Variants in TMEM117 observed in about 807,000 individuals in gnomAD.
TMEM117 encodes the protein transmembrane protein 117.
Under a neutral mutation model 52.4 loss-of-function variants are expected in TMEM117, and 27 were observed. The ratio of observed to expected loss-of-function variants is 0.51; its 90% CI spans 0.38 to 0.71. The LOEUF (loss-of-function observed/expected upper bound fraction) is 0.71, where lower values mean the gene tolerates loss of function less well. TMEM117 is among the 30% of genes least tolerant of loss of function. The probability of loss-of-function intolerance (pLI) is 0.00; values close to 1 mark genes in which losing one functional copy is unlikely to be tolerated. For synonymous variants in TMEM117, 215 were observed against 206.3 expected (o/e 1.04, Z -0.36); for missense variants, 556 against 630.5 (o/e 0.88, Z 1.26).
At chr12:43,855,174 A>C (rs560658181) in intron 2 of TMEM117, among the ~76,000 whole-genome samples, 1 of 152,356 alleles carries the variant, frequency 6.6e-6, no homozygotes, top group East Asian at 1.9e-4. Flanking sequence ...TTTTGCGAAT[A>C]AATTAGTTAC....
At chr12:44,171,182 A>AT (rs1355326898) in intron 4 of TMEM117, among the ~76,000 whole-genome samples, 6 of 151,522 alleles carry the variant, frequency 4.0e-5, no homozygotes, top group African/African-American at 7.3e-5. Flanking sequence ...CGCCCGGCTA[A>AT]TTTTTTGTAT....
At chr12:44,122,280 G>A (rs1025385539) in intron 3 of TMEM117, among the ~76,000 whole-genome samples, 1 of 151,962 alleles carries the variant, frequency 6.6e-6, no homozygotes, top group Non-Finnish European at 1.5e-5. Flanking sequence ...TCCTGACCTC[G>A]TGATCTGCCT....
chr12:44,223,575 C>A (rs1949819302), intron 5 of TMEM117, among the ~76,000 whole-genome samples: 1 of 152,174 alleles, frequency 6.6e-6, no homozygotes, highest in Admixed American at 6.6e-5. Flanking sequence ...GGTTTCAAAA[C>A]AAAGGCTATT....
At chr12:44,024,998 C>A (rs996721814) in intron 3 of TMEM117, among the ~76,000 whole-genome samples, 3 of 151,972 alleles carry the variant, frequency 2.0e-5, no homozygotes, top group Non-Finnish European at 2.9e-5. Context: ...ATGTTACAAC[C>A]AAAAGGTGAC....
At chr12:43,916,545 T>G (rs1275255918) in intron 2 of TMEM117, among the ~76,000 whole-genome samples, 1 of 152,216 alleles carries the variant, frequency 6.6e-6, no homozygotes, top group African/African-American at 2.4e-5. Flanking sequence ...ACCACCATAT[T>G]TAGTTGAACA....
At chr12:43,911,381 AC>A (rs2060052773) in intron 2 of TMEM117, among the ~76,000 whole-genome samples, 1 of 73,820 alleles carries the variant, frequency 1.4e-5, no homozygotes. Context: ...TAGACCTAAA[AC>A]CATAAAAACC....
rs572383308 is a variant in TMEM117 at position 43,848,758 on chromosome 12, A to G, written c.277+3830A>G. The stretch of plus-strand genomic sequence containing the variant: ...GGATTAAGAGATTAAAGACGGGCAT[A>G]AGAATTATAAAAGTATTATTTGAGA... On this transcript the variant is annotated intron_variant, in intron 2 of 7. Transcript: ENST00000266534. Among the ~76,000 whole-genome samples, 4 of 152,332 alleles carry G rather than the reference A, an allele frequency of 2.6e-5. No individual in the cohort carries two copies. The East Asian group carries it at 7.7e-4, about 29-fold the overall frequency.
intron 3 of TMEM117, among the ~76,000 whole-genome samples, chr12:44,007,654 C>A (rs1229795158): frequency 1.3e-5 from 2 of 152,104 alleles, no homozygotes; most frequent in African/African-American, 4.8e-5. Flanking sequence ...CAAATCTCAT[C>A]TTGAATTGTA....
chr12:44,083,945 T>C (rs931360209), intron 3 of TMEM117, among the ~76,000 whole-genome samples: 11 of 152,172 alleles, frequency 7.2e-5, no homozygotes, highest in Admixed American at 6.5e-4. Context: ...TAAATTCAGT[T>C]TCCTAAAAAT....
At chr12:44,334,738 C>T (rs761026367) in intron 6 of TMEM117, among the ~76,000 whole-genome samples, 6 of 152,070 alleles carry the variant, frequency 3.9e-5, no homozygotes, top group Non-Finnish European at 8.8e-5. Context: ...ATGCTCTCCA[C>T]GAGGAGTGGA....
intron 5 of TMEM117, among the ~76,000 whole-genome samples, chr12:44,270,280 T>C (rs930651364): frequency 1.3e-5 from 2 of 152,128 alleles, no homozygotes; most frequent in African/African-American, 4.8e-5. Context: ...AATAGTTTCT[T>C]TCAGCCATGT....
intron 2 of TMEM117, among the ~76,000 whole-genome samples, chr12:43,871,403 CTTTT>C (rs919435746): frequency 2.0e-5 from 3 of 152,156 alleles, no homozygotes; most frequent in African/African-American, 7.2e-5. Flanking sequence ...TGTGCCTGGG[CTTTT>C]TGACTTTTTA....
intron 2 of TMEM117, among the ~76,000 whole-genome samples, chr12:43,921,453 A>G (rs1271751726): frequency 6.6e-6 from 1 of 152,178 alleles, no homozygotes; most frequent in Non-Finnish European, 1.5e-5. Context: ...TAGCTGTATG[A>G]CCTTAGAGAA....
At chr12:44,057,558 G>T (rs1370065452) in intron 3 of TMEM117, among the ~76,000 whole-genome samples, 2 of 151,348 alleles carry the variant, frequency 1.3e-5, no homozygotes, top group African/African-American at 4.9e-5. Flanking sequence ...GAGAAAATTT[G>T]CCATAGAAAG....
chr12:44,073,377 C>G (rs147848901), intron 3 of TMEM117: 1 of 150,704 alleles, frequency 6.6e-6, no homozygotes, highest in African/African-American at 2.5e-5. Context: ...GCCCCCACCC[C>G]CAATACCCCA....
At chr12:44,324,383 A>T (rs1951170784) in intron 6 of TMEM117, among the ~76,000 whole-genome samples, 1 of 152,116 alleles carries the variant, frequency 6.6e-6, no homozygotes, top group African/African-American at 2.4e-5. Flanking sequence ...ACTAAATTAT[A>T]GTTAATCCTT....
chr12:44,067,079 TAAG>T (rs200162979), intron 3 of TMEM117, among the ~76,000 whole-genome samples: 1,631 of 152,186 alleles, frequency 0.011, 38 homozygotes, highest in African/African-American at 0.037. Flanking sequence ...TGCTCATTTA[TAAG>T]AAGCAACTCA....
At chr12:43,942,224 A>G (rs981338204) in intron 2 of TMEM117, among the ~76,000 whole-genome samples, 1 of 152,232 alleles carries the variant, frequency 6.6e-6, no homozygotes, top group Non-Finnish European at 1.5e-5. Context: ...CTTACAGTTG[A>G]ATCTCCAGCA....
intron 4 of TMEM117, among the ~76,000 whole-genome samples, chr12:44,187,500 T>A (rs1949294214): frequency 6.6e-6 from 1 of 152,202 alleles, no homozygotes; most frequent in Non-Finnish European, 1.5e-5. Context: ...ATATTTTTAA[T>A]GCTTAGCACT....
Sources: allele counts gnomAD v4.1 joint callset (sites outside exome capture counted in the v4.1 genomes callset), GRCh38; gene constraint gnomAD v4.1.1; transcripts MANE v1.5; gene names NCBI Gene and HGNC (gene_info 2026-07-23, HGNC 2026-07-21).